The following ZNF398 variants were observed in gnomAD, a reference collection of about 807,000 sequenced individuals.
ZNF398 encodes zinc finger DNA binding protein ZER6.
In ZNF398, 18 loss-of-function variants were observed where a neutral mutation model predicts 41.9. The ratio of observed to expected loss-of-function variants is 0.43; its 90% CI spans 0.30 to 0.64. The LOEUF (loss-of-function observed/expected upper bound fraction) is 0.64, where lower values mean the gene tolerates loss of function less well. Among genes scored for constraint, ZNF398 ranks in the 30% least tolerant of loss-of-function variants. The pLI is 0.14. For synonymous variants in ZNF398, 260 were observed against 308.8 expected, an observed-to-expected ratio of 0.84 and a Z score of 1.66; for missense variants, 669 against 822.8, an observed-to-expected ratio of 0.81 and a Z score of 2.29.
At chr7:149,172,282 T>C (rs1394722665) in intron 4 of ZNF398, among the ~76,000 whole-genome samples, 1 of 152,150 alleles carries the variant, frequency 6.6e-6, no homozygotes, top group Non-Finnish European at 1.5e-5. Context: ...AGTTTGCCAT[T>C]CTGAGTAGTA....
At position 149,130,970 on chromosome 7, in the gene ZNF398, C is replaced by T. The variant is rs529559741; in HGVS notation, c.-490+2026C>T. Reference sequence around the variant, plus strand: ...GGAAGCAGGTGGTGGGTTAGGCAATCATGATGGGTGAGGGGTCTGACTTTC... The same window carrying T: ...GGAAGCAGGTGGTGGGTTAGGCAATTATGATGGGTGAGGGGTCTGACTTTC... On this transcript the variant is annotated intron_variant, in intron 2 of 6. Transcript: ENST00000426851. Among the ~76,000 whole-genome samples, 173 of 152,276 alleles carry T rather than the reference C, an allele frequency of 1.1e-3. 2 individuals carry two copies. Among genetic ancestry groups the T allele is most frequent in the Middle Eastern group, 6.8e-3 (2 of 294 alleles).
At chr7:149,142,028 A>G (rs1826836223) in intron 2 of ZNF398, among the ~76,000 whole-genome samples, 1 of 152,126 alleles carries the variant, frequency 6.6e-6, no homozygotes, top group African/African-American at 2.4e-5. Flanking sequence ...GGCTTACTAC[A>G]GCTCCAAACT....
At chr7:149,126,811 G>A (rs1280748030) in intron 1 of ZNF398, among the ~76,000 whole-genome samples, 1 of 152,088 alleles carries the variant, frequency 6.6e-6, no homozygotes, top group East Asian at 1.9e-4. Context: ...GGGGCGCGGA[G>A]GCCGTGTGGG....
chr7:149,147,835 G>A lies in ZNF398; in HGVS notation c.24+69G>A. On this transcript the variant is annotated intron_variant, in intron 1 of 5. Coordinates refer to ENST00000475153, the MANE Select transcript of ZNF398 (RefSeq NM_170686.3). This position sits in a 1 kb window ranked among gnomAD's most constrained non-coding sequence, Gnocchi z 5.6. ...GACCCCGAGGGAGGAAGGCGGGCGG[G>A]CAGGGAGCTGCCAGGCATAGGCGCC... 2 of 1,313,216 alleles carry A rather than the reference G, an allele frequency of 1.5e-6. No homozygotes were observed. The highest frequency in any genetic ancestry group is 2.0e-5 in the South Asian group (1 of 49,904). The allele number at this position is 1,313,216 out of a possible 1,614,324, so 81.3% of individuals were successfully genotyped here.
chr7:149,139,939 A>G (rs568287414), intron 2 of ZNF398, among the ~76,000 whole-genome samples: 1,993 of 150,068 alleles, frequency 0.013, 37 homozygotes, highest in African/African-American at 0.046. Context: ...CCCAGGAGGC[A>G]GTGAGCCGAG....
intron 3 of ZNF398, 107 bp downstream of exon 3, chr7:149,166,391 T>G (rs1424732356): frequency 2.8e-6 from 4 of 1,427,592 alleles, no homozygotes; most frequent in African/African-American, 2.9e-5. Context: ...CTTCACACAC[T>G]TCAAATTCTG....
intron 1 of ZNF398, among the ~76,000 whole-genome samples, chr7:149,127,724 C>A (rs116115970): frequency 0.036 from 5,471 of 151,704 alleles, 316 homozygotes; most frequent in African/African-American, 0.12. Flanking sequence ...CTCAAAAAAA[C>A]CAAAAACAAA....
chr7:149,126,598 A>G, exon 1 of ZNF398: 1 of 317,432 alleles, frequency 3.2e-6, no homozygotes, highest in Non-Finnish European at 5.8e-6. Flanking sequence ...GGGAGAGAGT[A>G]GGGACAGCGA....
Position 149,179,128 on chromosome 7 carries a change from T to C in ZNF398, c.1256T>C (p.Val419Ala). 6.2e-7 allele frequency: 1 copy of C among 1,613,896 alleles called. No homozygotes were observed. The highest frequency in any genetic ancestry group is 8.5e-7 in the Non-Finnish European group (1 of 1,179,986). The change falls in exon 6 of 6, where the codon GTC (valine) becomes GCC (alanine). Residue 419 changes from valine to alanine, a missense_variant. Around this residue, in one of 3 missense-constraint regions of ZNF398, gnomAD observed 290 missense variants for 292.9 expected, o/e 0.99. Coordinates refer to ENST00000475153, the MANE Select transcript of ZNF398 (RefSeq NM_170686.3). The surrounding 1 kb of genome is among the most constrained non-coding windows in gnomAD (Gnocchi z 6.1). ...TCAAGACTTACCTACCATCTTCGGG[T>C]CCATAACAGCACTGAGCGTCCTTTC... is the stretch of plus-strand genomic sequence containing the variant. ...HPSRLTYHLR[V>A]HNSTERPFPC...
In ZNF398 at chr7:149,154,686, C is replaced by T. The variant is rs575081311; in HGVS notation, c.420+346C>T. Reference sequence around the variant, plus strand: ...TGCCAGATTCTTGGGGAGGAGACTACATAAATATTCTTTTAAATCAGTCAA... The same window carrying T: ...TGCCAGATTCTTGGGGAGGAGACTATATAAATATTCTTTTAAATCAGTCAA... On this transcript the variant is annotated intron_variant, in intron 2 of 5. Coordinates refer to ENST00000475153, the MANE Select transcript of ZNF398 (RefSeq NM_170686.3). Among the ~76,000 whole-genome samples, 5 of 152,134 alleles carry T rather than the reference C, an allele frequency of 3.3e-5. No individual in the cohort carries two copies. In the South Asian group the frequency reaches 1.0e-3, roughly 32 times the overall value.
At chr7:149,166,052 C>A in intron 2 of ZNF398, 106 bp from the exon 3 acceptor site, 1 of 1,228,870 alleles carries the variant, frequency 8.1e-7, no homozygotes, top group Admixed American at 2.4e-5. Context: ...TATTTATTGA[C>A]CACCCTTTGA....
At chr7:149,149,431 AC>A (rs1282867866) in intron 1 of ZNF398, among the ~76,000 whole-genome samples, 1 of 151,842 alleles carries the variant, frequency 6.6e-6, no homozygotes, top group Non-Finnish European at 1.5e-5. Flanking sequence ...GGGGGGTTTC[AC>A]CGTGTTTGCC....
chr7:149,129,682 C>CA (rs1362444360), intron 2 of ZNF398, among the ~76,000 whole-genome samples: 1 of 151,120 alleles, frequency 6.6e-6, no homozygotes, highest in Non-Finnish European at 1.5e-5. Context: ...GCCTGGCCTA[C>CA]AACAGTTTTA....
intron 4 of ZNF398, among the ~76,000 whole-genome samples, chr7:149,172,189 C>T (rs181494391): frequency 3.3e-5 from 5 of 152,198 alleles, no homozygotes; most frequent in Admixed American, 2.0e-4. Context: ...TTGATGGTAT[C>T]GTTTTCCACA....
rs1308954826 is a variant in ZNF398 at position 149,178,965 on chromosome 7, G to A, written c.1093G>A (p.Ala365Thr). ...GTTGCTGACCCACCAATGTAGCCAT[G>A]CTACTGAGCACCCCTTACCCTGTGC... The part of the protein sequence containing the change: ...DMLLTHQCSH[A>T]TEHPLPCAQC... Residue 365 changes from alanine to threonine, a missense_variant, in exon 6 of 6, where the codon GCT (alanine) becomes ACT (threonine). Physicochemically the swap from Ala to Thr is moderately conservative, Grantham distance 58 (BLOSUM62 0). This residue lies in a region of ZNF398 where 290 missense variants were observed against 292.9 expected (regional missense o/e 0.99). Transcript: ENST00000475153. 2.5e-6 allele frequency: 4 copies of A among 1,614,134 alleles called. No homozygotes were observed. The highest frequency in any genetic ancestry group is 3.4e-6 in the Non-Finnish European group (4 of 1,180,006).
chr7:149,148,509 T>G, intron 1 of ZNF398: 4 of 985,000 alleles, frequency 4.1e-6, no homozygotes, highest in Non-Finnish European at 4.8e-6. Context: ...GGAGAGCAAT[T>G]GTACTGGGTC....
rs35331670 is a variant in ZNF398, at chr7:149,141,447, C to CTTTTTTTTTTTTTTTTTTTTTTTTTTTTT, written c.-489-12490_-489-12489insTTTTTTTTTTTTTTTTTTTTTTTTTTTTT. Among the ~76,000 whole-genome samples the CTTTTTTTTTTTTTTTTTTTTTTTTTTTTT allele has an allele frequency of 2.6e-5, 3 of 116,816 alleles. 1 individual carries two copies. The highest frequency in any genetic ancestry group is 3.4e-5 in the Non-Finnish European group (2 of 58,040). 76.6% of individuals were successfully genotyped at this position (116,816 alleles called of 152,430 possible). ...AGTAGCTAGGATTACAGCTACTTTTCTTTTTTTTCTTTTTTTTTTTTTTTT... is the reference window on the plus strand; with the variant it reads ...AGTAGCTAGGATTACAGCTACTTTTCTTTTTTTTTTTTTTTTTTTTTTTTTTTTTTTTTTTTTCTTTTTTTTTTTTTTTT... On this transcript the variant is annotated intron_variant, in intron 2 of 6. Transcript: ENST00000426851.
intron 2 of ZNF398, among the ~76,000 whole-genome samples, chr7:149,138,431 T>C (rs1329175141): frequency 6.6e-6 from 1 of 151,652 alleles, no homozygotes; most frequent in Admixed American, 6.6e-5. Context: ...AATACAAAAA[T>C]TATCTGGGCG....
intron 4 of ZNF398, among the ~76,000 whole-genome samples, chr7:149,175,176 C>T (rs963367772): frequency 6.6e-6 from 1 of 152,212 alleles, no homozygotes; most frequent in African/African-American, 2.4e-5. Context: ...TGGCGTCTAA[C>T]TGATTTAGAA....
Sources: gnomAD v4.1 joint callset for allele counts (sites outside exome capture counted in the v4.1 genomes callset) on GRCh38, gnomAD v4.1.1 for gene constraint, gnomAD v4.1.1 regional missense constraint, Gnocchi (gnomAD v3.1) non-coding constraint, MANE v1.5 for transcripts, NCBI Gene and HGNC (gene_info 2026-07-23, HGNC 2026-07-21) for gene names.